GATB: variants seen among roughly 807,000 people sequenced by gnomAD.
GATB encodes the protein glutamyl-tRNA(Gln) amidotransferase subunit B, mitochondrial.
Under a neutral mutation model 62.3 loss-of-function variants are expected in GATB, and 39 were observed. The ratio of observed to expected loss-of-function variants is 0.63; its 90% CI spans 0.48 to 0.82. The LOEUF is 0.82. Ranked by LOEUF, GATB falls within the 40% of genes least tolerant of loss-of-function variation. The pLI is 0.00. For missense variants in GATB, 670 were observed against 684.0 expected (o/e 0.98, Z 0.23); for synonymous variants, 276 against 258.9 (o/e 1.07, Z -0.63).
chr4:151,686,714 T>C (rs1738257421), intron 10 of GATB, among the ~76,000 whole-genome samples: 1 of 132,764 alleles, frequency 7.5e-6, no homozygotes, highest in Non-Finnish European at 1.6e-5. Flanking sequence ...GCGCCTGCAT[T>C]TCCTTCTCTG....
chr4:151,688,844 G>GT, intron 9 of GATB, 81 bp from the exon 10 acceptor site: 1 of 1,397,744 alleles, frequency 7.2e-7, no homozygotes. Flanking sequence ...ATCTGAAACT[G>GT]TCCCCTCTGC....
chr4:151,726,080 C>T (rs575086666), intron 2 of GATB, among the ~76,000 whole-genome samples: 7 of 152,338 alleles, frequency 4.6e-5, no homozygotes, highest in African/African-American at 1.7e-4. Flanking sequence ...CTCTGTGAAA[C>T]TGATGCTATA....
intron 9 of GATB, among the ~76,000 whole-genome samples, chr4:151,693,068 G>A (rs1738398273): frequency 6.6e-6 from 1 of 152,232 alleles, no homozygotes; most frequent in African/African-American, 2.4e-5. Flanking sequence ...AGACGCTGGA[G>A]GAGGCTCATC....
rs113240492 is a variant in GATB at position 151,735,733 on chromosome 4, GGT to G, written c.328-16197_328-16196del. ...ATCAACAAGTGGATAAATAAACTGT[GGT>G]GTATATATATATATATATATATGAT... On this transcript the variant is annotated intron_variant, in intron 2 of 12. Transcript: ENST00000263985. Among the ~76,000 whole-genome samples, 46 of 66,784 alleles carry G rather than the reference GGT, an allele frequency of 6.9e-4. 6 individuals carry two copies. The highest frequency in any genetic ancestry group is 3.7e-3 in the African/African-American group (36 of 9,702). The allele number at this position is 66,784 out of a possible 152,430, so 43.8% of individuals were successfully genotyped here.
intron 10 of GATB, among the ~76,000 whole-genome samples, chr4:151,681,559 T>C (rs1560841484): frequency 2.0e-5 from 3 of 152,182 alleles, no homozygotes; most frequent in Admixed American, 1.3e-4. Flanking sequence ...TATCTTAGAA[T>C]GCAGACTGTG....
At chr4:151,694,897 A>G (rs1163809031) in intron 9 of GATB, among the ~76,000 whole-genome samples, 2 of 152,214 alleles carry the variant, frequency 1.3e-5, no homozygotes, top group African/African-American at 4.8e-5. Flanking sequence ...TGTAGTCATG[A>G]TATCTTTTCT....
chr4:151,698,985 G>T (rs1560848135), intron 9 of GATB, among the ~76,000 whole-genome samples: 1 of 150,022 alleles, frequency 6.7e-6, no homozygotes, highest in Admixed American at 6.7e-5. Context: ...ATTGTAGTGG[G>T]GTGTGTGTGT....
chr4:151,709,032 A>T (rs1171784548), intron 5 of GATB, among the ~76,000 whole-genome samples: 1 of 152,284 alleles, frequency 6.6e-6, no homozygotes, highest in Non-Finnish European at 1.5e-5. Flanking sequence ...CAGAGTGAGA[A>T]GACAAAATGC....
At chr4:151,676,178 C>G (rs1737997590) in intron 11 of GATB, 1 of 152,314 alleles carries the variant, frequency 6.6e-6, no homozygotes, top group Non-Finnish European at 1.5e-5. Flanking sequence ...GTGCAGATAA[C>G]TGAAGCACTA....
At chr4:151,685,860 C>T (rs1738232230) in intron 10 of GATB, among the ~76,000 whole-genome samples, 2 of 151,342 alleles carry the variant, frequency 1.3e-5, no homozygotes, top group African/African-American at 4.9e-5. Context: ...CCAGCCTGCC[C>T]AACATGGTGA....
At chr4:151,706,097 G>C (rs907429403) in intron 6 of GATB, among the ~76,000 whole-genome samples, 1 of 152,162 alleles carries the variant, frequency 6.6e-6, no homozygotes, top group Non-Finnish European at 1.5e-5. Context: ...ACAGCAAAAC[G>C]TGTCAGTTTT....
At chr4:151,704,779 C>CG (rs1169515849) in intron 7 of GATB, among the ~76,000 whole-genome samples, 1 of 115,876 alleles carries the variant, frequency 8.6e-6, no homozygotes, top group Non-Finnish European at 1.8e-5. Flanking sequence ...AGAGGAGTCT[C>CG]GCTCTGTCGC....
chr4:151,698,811 C>T (rs187568746), intron 9 of GATB, among the ~76,000 whole-genome samples: 5 of 152,020 alleles, frequency 3.3e-5, no homozygotes, highest in Non-Finnish European at 7.4e-5. Flanking sequence ...ATCTGCAAGC[C>T]ATAAAAATAA....
chr4:151,691,460 C>T (rs1200549426), intron 9 of GATB, among the ~76,000 whole-genome samples: 2 of 152,188 alleles, frequency 1.3e-5, no homozygotes, highest in African/African-American at 4.8e-5. Flanking sequence ...GAATTACACC[C>T]AGAACCAGTG....
At position 151,701,329 on chromosome 4, in the gene GATB, C is replaced by T. The variant is rs200714483; in HGVS notation, c.1197G>A (p.Leu399=). The T allele has an allele frequency of 4.6e-6, 7 of 1,537,200 alleles. No individual in the cohort carries two copies. Among genetic ancestry groups the T allele is most frequent in the Middle Eastern group, 1.7e-4 (1 of 5,776 alleles). The change falls in exon 9 of 13, where the codon CTG becomes CTA. Residue 399 remains leucine (L), a splice_region_variant and synonymous_variant. Transcript: ENST00000263985. ...GMLLEHSFTL[L]NEVGLLEFFQ... Reference sequence around the variant, plus strand: ...CTCTTGGCATCCGATCGATACCTACCAGCAAAGTGAAGCTGTGTTCCAGCA... The same window carrying T: ...CTCTTGGCATCCGATCGATACCTACTAGCAAAGTGAAGCTGTGTTCCAGCA...
intron 2 of GATB, among the ~76,000 whole-genome samples, chr4:151,744,371 C>T (rs1560864540): frequency 2.0e-5 from 3 of 152,054 alleles, no homozygotes; most frequent in Non-Finnish European, 2.9e-5. Context: ...TCTTTAGAAG[C>T]GTATAATCAA....
At chr4:151,682,693 A>AC (rs1424305871) in intron 10 of GATB, among the ~76,000 whole-genome samples, 3 of 150,890 alleles carry the variant, frequency 2.0e-5, no homozygotes, top group Non-Finnish European at 4.4e-5. Flanking sequence ...ACCACCCCCG[A>AC]CCCCCCGTGA....
intron 6 of GATB, among the ~76,000 whole-genome samples, chr4:151,705,895 T>C (rs558073032): frequency 1.1e-3 from 170 of 152,208 alleles, no homozygotes; most frequent in African/African-American, 3.8e-3. Flanking sequence ...AGTCTCAATC[T>C]CTTGGTCTCA....
chr4:151,741,809 G>GTT (rs1366684338), intron 2 of GATB, among the ~76,000 whole-genome samples: 1 of 152,210 alleles, frequency 6.6e-6, no homozygotes, highest in East Asian at 1.9e-4. Context: ...TTTAGGAGGA[G>GTT]TGAGATGGCA....
Sources: gnomAD v4.1 joint callset for allele counts (sites outside exome capture counted in the v4.1 genomes callset) on GRCh38, gnomAD v4.1.1 for gene constraint, MANE v1.5 for transcripts, NCBI Gene and HGNC (gene_info 2026-07-23, HGNC 2026-07-21) for gene names.